DNM3: variants seen among roughly 807,000 people sequenced by gnomAD.
DNM3 encodes dynamin-3.
DNM3 carries 47 observed loss-of-function variants against 101.6 expected under a neutral mutation model. The observed-to-expected ratio is 0.46, with a 90% CI of 0.37 to 0.59. The LOEUF (loss-of-function observed/expected upper bound fraction) is 0.59, where lower values mean the gene tolerates loss of function less well. Ranked by LOEUF, DNM3 falls within the 20% of genes least tolerant of loss-of-function variation. The pLI is 0.00. For synonymous variants in DNM3, 385 were observed against 387.9 expected (o/e 0.99, Z 0.09); for missense variants, 849 against 1,085.7 (o/e 0.78, Z 3.06).
At chr1:172,057,319 G>C (rs978704615) in intron 10 of DNM3, among the ~76,000 whole-genome samples, 1 of 152,078 alleles carries the variant, frequency 6.6e-6, no homozygotes, top group African/African-American at 2.4e-5. Flanking sequence ...GCAGGCCAAC[G>C]CTCAGATTCA....
At chr1:172,285,081 T>C (rs1269195528) in intron 15 of DNM3, among the ~76,000 whole-genome samples, 1 of 152,144 alleles carries the variant, frequency 6.6e-6, no homozygotes, top group Non-Finnish European at 1.5e-5. Context: ...TGCCATACAG[T>C]CCCTCACCTC....
chr1:172,264,283 T>A (rs1430883935), intron 15 of DNM3, among the ~76,000 whole-genome samples: 2 of 152,250 alleles, frequency 1.3e-5, no homozygotes, highest in African/African-American at 4.8e-5. Context: ...CATTCCTTTT[T>A]GTTTCCATAG....
At chr1:172,122,469 T>C (rs1258342307) in intron 13 of DNM3, among the ~76,000 whole-genome samples, 2 of 152,308 alleles carry the variant, frequency 1.3e-5, no homozygotes, top group African/African-American at 2.4e-5. Flanking sequence ...GCAGCAACTA[T>C]TGAAACCAGG....
At chr1:172,294,592 T>A (rs908652117) in intron 15 of DNM3, among the ~76,000 whole-genome samples, 1 of 152,020 alleles carries the variant, frequency 6.6e-6, no homozygotes, top group African/African-American at 2.4e-5. Flanking sequence ...CTATAAAGAG[T>A]AAATGAGATT....
chr1:172,015,992 A>G (rs1281053422), intron 4 of DNM3, among the ~76,000 whole-genome samples: 1 of 150,188 alleles, frequency 6.7e-6, no homozygotes, highest in Non-Finnish European at 1.5e-5. Flanking sequence ...CGTGGCCAAC[A>G]TGGTGAAACC....
chr1:172,168,049 C>T (rs1028963300), intron 14 of DNM3, among the ~76,000 whole-genome samples: 1 of 152,008 alleles, frequency 6.6e-6, no homozygotes, highest in African/African-American at 2.4e-5. Flanking sequence ...TAATTATACT[C>T]TTTAGCATTC....
At chr1:171,948,748 C>G (rs1350655161) in intron 2 of DNM3, among the ~76,000 whole-genome samples, 2 of 152,098 alleles carry the variant, frequency 1.3e-5, no homozygotes, top group Non-Finnish European at 2.9e-5. Context: ...CTAAACAACT[C>G]CTGTGGTTAA....
intron 12 of DNM3, among the ~76,000 whole-genome samples, chr1:172,086,414 A>G (rs371262574): frequency 6.8e-4 from 104 of 152,318 alleles, no homozygotes; most frequent in African/African-American, 2.4e-3. Flanking sequence ...AGAACAGTCT[A>G]AAATTGCTTT....
intron 17 of DNM3, among the ~76,000 whole-genome samples, chr1:172,351,681 C>A (rs1048663736): frequency 5.3e-5 from 8 of 152,184 alleles, no homozygotes; most frequent in Non-Finnish European, 8.8e-5. Context: ...TTTCAAGACA[C>A]CCTTTTATTT....
At chr1:172,275,643 A>AT in intron 15 of DNM3, among the ~76,000 whole-genome samples, 1 of 152,064 alleles carries the variant, frequency 6.6e-6, no homozygotes, top group African/African-American at 2.4e-5. Flanking sequence ...GAAAACAAAT[A>AT]TTTGTTTCCA....
At chr1:172,355,401 CA>C (rs2067400703) in intron 17 of DNM3, among the ~76,000 whole-genome samples, 1 of 151,742 alleles carries the variant, frequency 6.6e-6, no homozygotes, top group Non-Finnish European at 1.5e-5. Context: ...TTAAAATAGC[CA>C]AATAGAACTT....
At position 172,388,647 on chromosome 1, in the gene DNM3, G is replaced by A. The variant is rs775851148; in HGVS notation, c.2360G>A (p.Arg787Gln). 8.1e-6 allele frequency: 13 copies of A among 1,613,968 alleles called. No homozygotes were observed. The highest frequency in any genetic ancestry group is 9.3e-6 in the Non-Finnish European group (11 of 1,179,892). ...SAPLARPTSG[R>Q]GPAPAIPSPG... ...CCCCTCGCAAGGCCCACATCCGGCC[G>A]AGGACCAGCTCCTGCCATTCCCTCT... The change falls in exon 20 of 21, where the codon CGA becomes CAA. Residue 787 changes from arginine to glutamine, a missense_variant. Around this residue, in one of 5 missense-constraint regions of DNM3, gnomAD observed 256 missense variants for 311.7 expected, o/e 0.82. Transcript: ENST00000627582.
At chr1:172,320,132 A>G (rs1424128212) in intron 16 of DNM3, among the ~76,000 whole-genome samples, 1 of 151,532 alleles carries the variant, frequency 6.6e-6, no homozygotes, top group East Asian at 1.9e-4. Context: ...TATCGCAAGG[A>G]CAAAAACCGA....
chr1:172,404,405 G>C (rs2070732706), intron 20 of DNM3, among the ~76,000 whole-genome samples: 2 of 152,064 alleles, frequency 1.3e-5, no homozygotes, highest in Admixed American at 1.3e-4. Context: ...GGATATGGTA[G>C]TGAATAAGAC....
chr1:172,316,766 T>A (rs2065383460), intron 16 of DNM3, among the ~76,000 whole-genome samples: 2 of 152,028 alleles, frequency 1.3e-5, no homozygotes, highest in African/African-American at 4.8e-5. Context: ...ACAAAGAGAC[T>A]TAGACTCCCA....
chr1:171,999,230 C>T (rs2046213468), intron 4 of DNM3, among the ~76,000 whole-genome samples: 1 of 151,948 alleles, frequency 6.6e-6, no homozygotes, highest in Non-Finnish European at 1.5e-5. Context: ...AGGAATGGTA[C>T]TGAGGGAAGA....
intron 1 of DNM3, among the ~76,000 whole-genome samples, chr1:171,866,587 T>C (rs901338775): frequency 6.6e-6 from 1 of 152,310 alleles, no homozygotes; most frequent in Non-Finnish European, 1.5e-5. Context: ...CAGACTTATG[T>C]AGAAGAATTG....
chr1:172,415,395 A>G (rs1205573994), downstream of DNM3: 1 of 152,234 alleles, frequency 6.6e-6, no homozygotes, highest in Non-Finnish European at 1.5e-5. Flanking sequence ...TCATCAGAGA[A>G]GAATGTTGAA....
At chr1:171,848,256 C>G (rs1038679710) in intron 1 of DNM3, among the ~76,000 whole-genome samples, 2 of 152,140 alleles carry the variant, frequency 1.3e-5, no homozygotes, top group Non-Finnish European at 2.9e-5. Context: ...CCGTGATACT[C>G]TCTTTCATTA....
Sources: allele counts gnomAD v4.1 joint callset (sites outside exome capture counted in the v4.1 genomes callset), GRCh38; gene constraint gnomAD v4.1.1; regional missense constraint gnomAD v4.1.1; transcripts MANE v1.5; gene names NCBI Gene and HGNC (gene_info 2026-07-23, HGNC 2026-07-21).